The following APOBEC3D variants were observed in gnomAD, a reference collection of about 807,000 sequenced individuals.
APOBEC3D encodes DNA dC->dU-editing enzyme APOBEC-3D.
In APOBEC3D, 37 loss-of-function variants were observed where a neutral mutation model predicts 45.6. The ratio of observed to expected loss-of-function variants is 0.81; its 90% CI spans 0.62 to 1.07. APOBEC3D has a LOEUF of 1.07. APOBEC3D is among the 50% of genes least tolerant of loss of function. APOBEC3D has a pLI of 0.00. For synonymous variants in APOBEC3D, 175 were observed against 180.7 expected (o/e 0.97, Z 0.25); for missense variants, 496 against 495.3 (o/e 1.00, Z -0.01).
At chr22:39,023,480 T>C (rs1333150207) in intron 2 of APOBEC3D, among the ~76,000 whole-genome samples, 2 of 147,082 alleles carry the variant, frequency 1.4e-5, no homozygotes, top group African/African-American at 5.0e-5. Context: ...AGAGTTTTAC[T>C]CTTGTTGCCC....
intron 4 of APOBEC3D, among the ~76,000 whole-genome samples, chr22:39,026,757 GT>G (rs1167260095): frequency 2.5e-4 from 36 of 141,754 alleles, no homozygotes; most frequent in African/African-American, 2.9e-4. Flanking sequence ...AGGTTTTTTT[GT>G]TTTTTTTTTT....
rs1232362502 is a variant in APOBEC3D, at chr22:39,023,477, TA to T, written c.210+464del. ...TTTTTTTTTTTTTGAGACAGAGTTTTACTCTTGTTGCCCAGGCTAGAGTGCA... is the reference window on the plus strand; with the variant it reads ...TTTTTTTTTTTTTGAGACAGAGTTTTCTCTTGTTGCCCAGGCTAGAGTGCA... On this transcript the variant is annotated intron_variant, in intron 2 of 6. Transcript: ENST00000216099. Among the ~76,000 whole-genome samples the T allele has an allele frequency of 2.0e-5, 3 of 150,808 alleles. No individual in the cohort carries two copies. In the East Asian group the frequency reaches 5.8e-4, roughly 29 times the overall value.
rs1397231708 is a variant in APOBEC3D, at chr22:39,023,001, A to G, written c.197A>G (p.Asn66Ser). The change falls in exon 2 of 7, where the codon AAT becomes AGT. Residue 66 changes from asparagine to serine, a missense_variant. Physicochemically the swap from Asn to Ser is conservative, Grantham distance 46. Transcript: ENST00000216099. Reference protein sequence around the residue: ...RGPVLPKRQSNHRQEVYFRFE... With the variant: ...RGPVLPKRQSSHRQEVYFRFE... The stretch of plus-strand genomic sequence containing the variant: ...CCGGTACTACCCAAACGTCAGTCGA[A>G]TCACAGGCAGGAGGTAAGCAGCTGG... 6.3e-7 allele frequency: 1 copy of G among 1,598,946 alleles called. No homozygotes were observed. The highest frequency in any genetic ancestry group is 8.5e-7 in the Non-Finnish European group (1 of 1,172,210).
At chr22:39,023,591 T>C (rs984164446) in intron 2 of APOBEC3D, among the ~76,000 whole-genome samples, 3 of 151,666 alleles carry the variant, frequency 2.0e-5, no homozygotes, top group Non-Finnish European at 4.4e-5. Context: ...GGATTACAGG[T>C]GCACGCCACC....
intron 4 of APOBEC3D, among the ~76,000 whole-genome samples, chr22:39,027,419 G>C (rs578100787): frequency 6.6e-6 from 1 of 152,260 alleles, no homozygotes; most frequent in South Asian, 2.1e-4. Flanking sequence ...GCGTCCCTGG[G>C]ATGATTCCTG....
intron 5 of APOBEC3D, among the ~76,000 whole-genome samples, chr22:39,031,055 A>G (rs1258426167): frequency 1.3e-5 from 2 of 151,862 alleles, no homozygotes; most frequent in Non-Finnish European, 2.9e-5. Flanking sequence ...AATCCTAGCT[A>G]CTCCGGAGGC....
intron 4 of APOBEC3D, 84 bp from the exon 5 acceptor site, chr22:39,029,279 C>T (rs908725744): frequency 6.6e-6 from 10 of 1,505,650 alleles, no homozygotes; most frequent in Non-Finnish European, 9.1e-6. Flanking sequence ...GAGGCCCAGA[C>T]TCCAGGGACG....
At chr22:39,028,177 G>C (rs975776782) in intron 4 of APOBEC3D, among the ~76,000 whole-genome samples, 1 of 152,194 alleles carries the variant, frequency 6.6e-6, no homozygotes, top group Non-Finnish European at 1.5e-5. Context: ...CCCAGACACA[G>C]GCTCCTCCTC....
chr22:39,032,331 C>T lies in APOBEC3D; in HGVS notation c.*15C>T. On this transcript the variant is annotated 3_prime_UTR_variant, in exon 7 of 7. Coordinates refer to ENST00000216099, the MANE Select transcript of APOBEC3D (RefSeq NM_152426.4). Reference sequence around the variant, plus strand: ...TTCTCCAGTGAGGGGTCTCCCTGGGCCTCATGGTCTGTCTCTTCTAGCCTC... The same window carrying T: ...TTCTCCAGTGAGGGGTCTCCCTGGGTCTCATGGTCTGTCTCTTCTAGCCTC... The T allele has an allele frequency of 6.2e-7, 1 of 1,613,076 alleles. No homozygotes were observed. The highest frequency in any genetic ancestry group is 8.5e-7 in the Non-Finnish European group (1 of 1,179,466).
At chr22:39,024,238 G>C (rs1925410438) in intron 2 of APOBEC3D, among the ~76,000 whole-genome samples, 1 of 152,232 alleles carries the variant, frequency 6.6e-6, no homozygotes, top group Non-Finnish European at 1.5e-5. Flanking sequence ...ATGTGCCGAG[G>C]TCTCTCATCA....
At position 39,032,840 on chromosome 22, in the gene APOBEC3D, C is replaced by T. The variant is rs1357719035; in HGVS notation, c.*524C>T. The T allele has an allele frequency of 1.4e-5, 2 of 145,914 alleles. No individual in the cohort carries two copies. The highest frequency in any genetic ancestry group is 5.5e-5 in the African/African-American group (2 of 36,364). 9.0% of individuals were successfully genotyped at this position (145,914 alleles called of 1,614,324 possible). ...ATGTTGGCCAGGCTGGTCTTGAACT[C>T]CTGACCTCAGGTGATCTGCCCATCT... On this transcript the variant is annotated 3_prime_UTR_variant, in exon 7 of 7. Coordinates refer to ENST00000216099, the MANE Select transcript of APOBEC3D (RefSeq NM_152426.4).
intron 5 of APOBEC3D, 109 bp downstream of exon 5, chr22:39,029,628 C>G: frequency 8.1e-7 from 1 of 1,232,202 alleles, no homozygotes; most frequent in East Asian, 2.6e-5. Flanking sequence ...GTACTTTCCT[C>G]TTACATTTCT....
intron 2 of APOBEC3D, among the ~76,000 whole-genome samples, chr22:39,023,311 TC>T (rs1925311196): frequency 6.6e-6 from 1 of 152,012 alleles, no homozygotes; most frequent in Non-Finnish European, 1.5e-5. Context: ...AGATGGGGTT[TC>T]ACTGTGTTGA....
intron 2 of APOBEC3D, 46 bp from the exon 3 acceptor site, chr22:39,025,024 C>A: frequency 7.1e-7 from 1 of 1,417,352 alleles, no homozygotes; most frequent in Non-Finnish European, 9.5e-7. Flanking sequence ...CGCACCCCTC[C>A]TGTTCCCCCG....
chr22:39,023,088 C>G, intron 2 of APOBEC3D, 74 bp downstream of exon 2: 1 of 983,990 alleles, frequency 1.0e-6, no homozygotes, highest in South Asian at 3.4e-5. Flanking sequence ...TATTTTTTCC[C>G]CACATTTATT....
At chr22:39,021,593 T>C in intron 1 of APOBEC3D, 57 bp downstream of exon 1, 2 of 1,612,190 alleles carry the variant, frequency 1.2e-6, no homozygotes, top group Non-Finnish European at 1.7e-6. Flanking sequence ...CTGGTGGTCC[T>C]GCTGGGCCTC....
rs1485005757 is a variant in APOBEC3D, at chr22:39,032,304, G to C, written c.1149G>C (p.Glu383Asp). 1.2e-6 allele frequency: 2 copies of C among 1,614,156 alleles called. No homozygotes were observed. The highest frequency in any genetic ancestry group is 3.3e-5 in the Admixed American group (2 of 60,030). Reference protein sequence around the residue: ...NFRLLKRRLREILQ With the variant: ...NFRLLKRRLRDILQ The stretch of plus-strand genomic sequence containing the variant: ...GACTTCTGAAAAGAAGGCTACGGGA[G>C]ATTCTCCAGTGAGGGGTCTCCCTGG... Residue 383 changes from glutamate (E) to aspartate (D), a missense_variant, in exon 7 of 7, where the codon GAG becomes GAC. Coordinates refer to ENST00000216099, the MANE Select transcript of APOBEC3D (RefSeq NM_152426.4).
chr22:39,028,179 C>T (rs920922877), intron 4 of APOBEC3D, among the ~76,000 whole-genome samples: 2 of 152,344 alleles, frequency 1.3e-5, no homozygotes, highest in Admixed American at 6.5e-5. Flanking sequence ...CAGACACAGG[C>T]TCCTCCTCCG....
At chr22:39,032,130 G>T (rs1279262797) in intron 6 of APOBEC3D, 68 bp from the exon 7 acceptor site, 1 of 1,592,034 alleles carries the variant, frequency 6.3e-7, no homozygotes, top group Non-Finnish European at 8.6e-7. Context: ...TGGCTTGGGA[G>T]GGGAGGGCCC....
Sources: gnomAD v4.1 joint callset for allele counts (sites outside exome capture counted in the v4.1 genomes callset) on GRCh38, gnomAD v4.1.1 for gene constraint, MANE v1.5 for transcripts, NCBI Gene and HGNC (gene_info 2026-07-23, HGNC 2026-07-21) for gene names.